The following ESRRG variants were observed in gnomAD, a reference collection of about 807,000 sequenced individuals.
ESRRG encodes the protein estrogen related receptor gamma.
In ESRRG, 13 loss-of-function variants were observed where a neutral mutation model predicts 44.0. The ratio of observed to expected loss-of-function variants is 0.30; its 90% CI spans 0.19 to 0.47. The LOEUF (loss-of-function observed/expected upper bound fraction) is 0.47, where lower values mean the gene tolerates loss of function less well. Ranked by LOEUF, ESRRG falls within the 20% of genes least tolerant of loss-of-function variation. The probability of loss-of-function intolerance (pLI) is 1.00; values close to 1 mark genes in which losing one functional copy is unlikely to be tolerated. For missense variants in ESRRG, 395 were observed against 580.6 expected (o/e 0.68, Z 3.29); for synonymous variants, 215 against 214.6 (o/e 1.00, Z -0.02).
At chr1:216,729,222 C>A (rs534816722) in intron 2 of ESRRG, among the ~76,000 whole-genome samples, 2 of 152,180 alleles carry the variant, frequency 1.3e-5, no homozygotes, top group African/African-American at 4.8e-5. Context: ...TGATCCCGTG[C>A]GCTGAGGAAA....
At chr1:216,650,922 C>T in intron 3 of ESRRG, 51 bp downstream of exon 3, 2 of 1,189,538 alleles carry the variant, frequency 1.7e-6, no homozygotes, top group Non-Finnish European at 2.5e-6. Flanking sequence ...TTTTTGCCTC[C>T]CATCCCCACA....
chr1:216,734,516 A>G (rs1414261144), intron 2 of ESRRG, among the ~76,000 whole-genome samples: 3 of 152,028 alleles, frequency 2.0e-5, no homozygotes, highest in African/African-American at 7.2e-5. Flanking sequence ...TTTGCTCCCT[A>G]TCCCACCATG....
Position 216,966,040 on chromosome 1 carries a change from C to T in ESRRG, c.-105-26367G>A, listed in dbSNP as rs112603829. On this transcript the variant is annotated intron_variant, in intron 1 of 7. Coordinates refer to the ESRRG transcript ENST00000359162. ...GATACTGACACTGCTGGTATGTGGG[C>T]CACATTTTAAGTAAAAAGGATCATG... Among the ~76,000 whole-genome samples the T allele has an allele frequency of 1.6e-3, 240 of 152,182 alleles. 1 individual carries two copies. The highest frequency in any genetic ancestry group is 5.6e-3 in the African/African-American group (233 of 41,526).
At chr1:217,047,489 T>C (rs1241617842) in intron 1 of ESRRG, among the ~76,000 whole-genome samples, 1 of 152,200 alleles carries the variant, frequency 6.6e-6, no homozygotes, top group Non-Finnish European at 1.5e-5. Flanking sequence ...GATATTTTTC[T>C]AATCCATTAA....
At chr1:216,686,750 C>G (rs187239646) in intron 1 of ESRRG, among the ~76,000 whole-genome samples, 53 of 152,250 alleles carry the variant, frequency 3.5e-4, no homozygotes, top group African/African-American at 1.3e-3. Context: ...AGCTCTGGAT[C>G]CAGGCACTGT....
upstream of ESRRG, among the ~76,000 whole-genome samples, chr1:216,727,092 T>G (rs1575813577): frequency 6.6e-6 from 1 of 152,314 alleles, no homozygotes; most frequent in Non-Finnish European, 1.5e-5. Context: ...TAACCTTCAT[T>G]AAAATGTTCA....
intron 1 of ESRRG, among the ~76,000 whole-genome samples, chr1:216,708,343 C>CA (rs1422768335): frequency 6.6e-6 from 1 of 151,980 alleles, no homozygotes; most frequent in Non-Finnish European, 1.5e-5. Flanking sequence ...GAATTATAAA[C>CA]AAAATTTTAA....
chr1:216,861,639 A>T (rs942399342), intron 2 of ESRRG, among the ~76,000 whole-genome samples: 2 of 152,116 alleles, frequency 1.3e-5, no homozygotes, highest in Non-Finnish European at 2.9e-5. Context: ...GATAGTCAAA[A>T]TTTTTTTCTT....
chr1:216,674,312 A>C (rs1277427789), intron 2 of ESRRG, among the ~76,000 whole-genome samples: 1 of 152,190 alleles, frequency 6.6e-6, no homozygotes, highest in Non-Finnish European at 1.5e-5. Flanking sequence ...ATGTGATTTT[A>C]TATTTCATTT....
chr1:216,998,651 C>T (rs909280333), intron 1 of ESRRG, among the ~76,000 whole-genome samples: 5 of 152,164 alleles, frequency 3.3e-5, no homozygotes, highest in African/African-American at 1.2e-4. Flanking sequence ...TTAATCTCAG[C>T]AATGTGCATA....
Position 216,887,327 on chromosome 1 carries a change from G to A in ESRRG, c.-14+52255C>T, listed in dbSNP as rs547171748. 2.6e-5 allele frequency among the ~76,000 whole-genome samples: 4 copies of A among 152,250 alleles called. No individual in the cohort carries two copies. In the East Asian group the frequency reaches 5.8e-4, roughly 22 times the overall value. On this transcript the variant is annotated intron_variant, in intron 2 of 7. Coordinates refer to the ESRRG transcript ENST00000359162. Reference sequence around the variant, plus strand: ...AAATTATATATATTACATTCATACTGTAGGAAAATAGCTTTTTAATTTCAT... The same window carrying A: ...AAATTATATATATTACATTCATACTATAGGAAAATAGCTTTTTAATTTCAT...
intron 2 of ESRRG, among the ~76,000 whole-genome samples, chr1:216,740,622 C>T (rs561638964): frequency 6.7e-6 from 1 of 149,392 alleles, no homozygotes; most frequent in East Asian, 2.0e-4. Context: ...AAGGAACGTG[C>T]TTAACATTAA....
chr1:216,725,078 C>T (rs2087216175), upstream of ESRRG, among the ~76,000 whole-genome samples: 1 of 152,142 alleles, frequency 6.6e-6, no homozygotes, highest in South Asian at 2.1e-4. Context: ...AAAACCAAAA[C>T]ACTAAAATAG....
In ESRRG at chr1:216,833,138, C is replaced by T. The variant is rs189424733; in HGVS notation, c.-14+106444G>A. On this transcript the variant is annotated intron_variant, in intron 2 of 7. Transcript: ENST00000359162. ...ACACTTGCAGTTCCAGCAGAGTCAG[C>T]GTGTCAGGATCCTTCACAGTGTAAG... is the stretch of plus-strand genomic sequence containing the variant. 6.6e-5 allele frequency among the ~76,000 whole-genome samples: 10 copies of T among 152,050 alleles called. No homozygotes were observed. The East Asian group carries it at 1.6e-3, about 24-fold the overall frequency.
chr1:217,118,741 C>T (rs2092773338), intron 1 of ESRRG, among the ~76,000 whole-genome samples: 1 of 152,092 alleles, frequency 6.6e-6, no homozygotes, highest in East Asian at 1.9e-4. Flanking sequence ...CCTGTAATCT[C>T]AGCACTGTGA....
intron 1 of ESRRG, among the ~76,000 whole-genome samples, chr1:216,678,257 A>G (rs1158062337): frequency 3.3e-5 from 5 of 152,236 alleles, no homozygotes; most frequent in Non-Finnish European, 7.3e-5. Flanking sequence ...ACATTCATTA[A>G]TAAATACGTG....
At chr1:216,917,896 T>C (rs1281781854) in intron 2 of ESRRG, among the ~76,000 whole-genome samples, 1 of 152,212 alleles carries the variant, frequency 6.6e-6, no homozygotes, top group Admixed American at 6.5e-5. Flanking sequence ...TTTTTAAATA[T>C]AGTATATGTA....
intron 2 of ESRRG, among the ~76,000 whole-genome samples, chr1:216,753,590 T>A (rs1472902331): frequency 1.3e-5 from 2 of 152,116 alleles, no homozygotes; most frequent in African/African-American, 2.4e-5. Flanking sequence ...AAAGTTAATA[T>A]CAGAGGTGCA....
intron 2 of ESRRG, among the ~76,000 whole-genome samples, chr1:216,771,816 G>GTTTTTT (rs72464828): frequency 7.8e-6 from 1 of 128,136 alleles, no homozygotes; most frequent in African/African-American, 2.9e-5. Context: ...AGTTTGTGGT[G>GTTTTTT]TTTTTTTTTT....
Sources: gnomAD v4.1 joint callset for allele counts (sites outside exome capture counted in the v4.1 genomes callset) on GRCh38, gnomAD v4.1.1 for gene constraint, MANE v1.5 for transcripts, NCBI Gene and HGNC (gene_info 2026-07-23, HGNC 2026-07-21) for gene names.